Variants in PRELID2 observed in about 807,000 individuals in gnomAD.
PRELID2 encodes PRELI domain-containing protein 2.
PRELID2 carries 25 observed loss-of-function variants against 28.4 expected under a neutral mutation model. That is an observed-to-expected ratio of 0.88 (90% CI 0.64 to 1.23). The LOEUF is 1.23. Ranked by LOEUF, PRELID2 falls within the 50% of genes most tolerant of loss-of-function variation. The pLI is 0.00. For synonymous variants in PRELID2, 76 were observed against 71.6 expected (o/e 1.06, Z -0.31); for missense variants, 201 against 214.4 (o/e 0.94, Z 0.39).
chr5:145,549,693 G>T (rs1408149567), intron 1 of PRELID2, among the ~76,000 whole-genome samples: 3 of 152,058 alleles, frequency 2.0e-5, no homozygotes, highest in Admixed American at 2.0e-4. Context: ...TACTCGGGAG[G>T]CTGAGGCAGG....
chr5:145,532,486 A>G (rs1333869337), intron 1 of PRELID2, among the ~76,000 whole-genome samples: 1 of 152,092 alleles, frequency 6.6e-6, no homozygotes, highest in African/African-American at 2.4e-5. Context: ...GAGAACATTT[A>G]CAATCTGCTC....
chr5:145,518,286 G>C (rs1448987248), intron 1 of PRELID2, among the ~76,000 whole-genome samples: 1 of 152,004 alleles, frequency 6.6e-6, no homozygotes, highest in Non-Finnish European at 1.5e-5. Flanking sequence ...TGCAACCTCT[G>C]CCTCCCAGGT....
intron 1 of PRELID2, among the ~76,000 whole-genome samples, chr5:145,530,564 G>C (rs1189125026): frequency 2.0e-5 from 3 of 151,998 alleles, no homozygotes; most frequent in Non-Finnish European, 2.9e-5. Flanking sequence ...GACTCTTGTG[G>C]CTGAGATGGA....
chr5:145,795,278 T>A (rs910517069), intron 5 of PRELID2: 10 of 151,950 alleles, frequency 6.6e-5, no homozygotes, highest in African/African-American at 2.4e-4. Context: ...AATGTCTGAG[T>A]GAGTAAAGGT....
intron 1 of PRELID2, among the ~76,000 whole-genome samples, chr5:145,629,758 A>T (rs760274828): frequency 5.9e-5 from 9 of 152,024 alleles, no homozygotes; most frequent in African/African-American, 1.2e-4. Context: ...CTGTCTCCTT[A>T]AGCAGGATAC....
intron 1 of PRELID2, among the ~76,000 whole-genome samples, chr5:145,721,159 A>T (rs1379208452): frequency 6.6e-6 from 1 of 152,158 alleles, no homozygotes; most frequent in African/African-American, 2.4e-5. Flanking sequence ...TTCATTAGCC[A>T]TCAGAGCAAT....
At chr5:145,801,243 A>G (rs575773546) in intron 4 of PRELID2, among the ~76,000 whole-genome samples, 4 of 152,296 alleles carry the variant, frequency 2.6e-5, no homozygotes, top group East Asian at 1.9e-4. Context: ...CTTTTAAACC[A>G]TTTTCAGCAA....
At chr5:145,378,573 G>T in the PRELID2 span, among the ~76,000 whole-genome samples, 1 of 152,092 alleles carries the variant, frequency 6.6e-6, no homozygotes, top group African/African-American at 2.4e-5. Flanking sequence ...TGCTTGGTCT[G>T]TTCTGCCACT....
At chr5:145,729,192 C>A (rs1049158714) in intron 1 of PRELID2, 11 of 709,330 alleles carry the variant, frequency 1.6e-5, no homozygotes, top group Non-Finnish European at 2.7e-5. Flanking sequence ...ATCAGTGATG[C>A]TCTGGGTTTC....
chr5:145,752,840 T>C (rs1384132650), downstream of PRELID2, among the ~76,000 whole-genome samples: 5 of 152,190 alleles, frequency 3.3e-5, no homozygotes, highest in Non-Finnish European at 7.3e-5. Context: ...TTTCTCTGAT[T>C]GACAAGAATG....
the PRELID2 span, among the ~76,000 whole-genome samples, chr5:145,354,361 G>A: frequency 7.9e-5 from 12 of 152,058 alleles, no homozygotes; most frequent in Non-Finnish European, 1.2e-4. Flanking sequence ...GGTGGTGTAC[G>A]ATTTTTTTAT....
At chr5:145,236,397 C>T in the PRELID2 span, among the ~76,000 whole-genome samples, 1 of 152,130 alleles carries the variant, frequency 6.6e-6, no homozygotes, top group Admixed American at 6.6e-5. Context: ...CTGTTACTAA[C>T]GCTGTGCATC....
chr5:145,356,461 G>A, the PRELID2 span, among the ~76,000 whole-genome samples: 1 of 151,456 alleles, frequency 6.6e-6, no homozygotes, highest in African/African-American at 2.4e-5. Context: ...CCTGTGTTGG[G>A]TATATATCTA....
the PRELID2 span, among the ~76,000 whole-genome samples, chr5:145,264,697 G>C: frequency 1.3e-3 from 201 of 152,170 alleles, 4 homozygotes; most frequent in East Asian, 0.031. Flanking sequence ...AACAGAGCCA[G>C]GCACGGTGGC....
intron 1 of PRELID2, among the ~76,000 whole-genome samples, chr5:145,640,540 A>C: frequency 6.7e-6 from 1 of 148,408 alleles, no homozygotes; most frequent in African/African-American, 2.5e-5. Context: ...GCTGCTCCAG[A>C]GGCTGAGGCA....
the PRELID2 span, among the ~76,000 whole-genome samples, chr5:145,261,724 T>C: frequency 6.6e-6 from 1 of 152,140 alleles, no homozygotes; most frequent in African/African-American, 2.4e-5. Flanking sequence ...CCCTCTGACA[T>C]AGTCTACCCA....
At chr5:145,686,029 G>A (rs1581057321) in intron 1 of PRELID2, among the ~76,000 whole-genome samples, 1 of 152,192 alleles carries the variant, frequency 6.6e-6, no homozygotes, top group Admixed American at 6.5e-5. Flanking sequence ...GAACAGCATG[G>A]CGATGTATAA....
At chr5:145,343,961 G>T in the PRELID2 span, among the ~76,000 whole-genome samples, 43 of 151,984 alleles carry the variant, frequency 2.8e-4, 1 homozygote, top group East Asian at 4.8e-3. Context: ...GATTGAAATA[G>T]GTAGAAATAG....
At chr5:145,709,197 C>T (rs1441407855) in intron 1 of PRELID2, among the ~76,000 whole-genome samples, 3 of 152,222 alleles carry the variant, frequency 2.0e-5, no homozygotes, top group Non-Finnish European at 2.9e-5. Context: ...CTCAGTAGTG[C>T]TCAGCTTCCC....
Sources: gnomAD v4.1 joint callset for allele counts (sites outside exome capture counted in the v4.1 genomes callset) on GRCh38, gnomAD v4.1.1 for gene constraint, MANE v1.5 for transcripts, NCBI Gene and HGNC (gene_info 2026-07-23, HGNC 2026-07-21) for gene names.